Variants in PAXIP1 observed in about 807,000 individuals in gnomAD.
PAXIP1 encodes the protein PAX-interacting protein 1.
In PAXIP1, 19 loss-of-function variants were observed where a neutral mutation model predicts 140.6. The ratio of observed to expected loss-of-function variants is 0.14; its 90% CI spans 0.09 to 0.20. The LOEUF is 0.20. Ranked by LOEUF, PAXIP1 falls within the 10% of genes least tolerant of loss-of-function variation. The probability of loss-of-function intolerance (pLI) is 1.00; values close to 1 mark genes in which losing one functional copy is unlikely to be tolerated. For synonymous variants in PAXIP1, 442 were observed against 444.6 expected, an observed-to-expected ratio of 0.99 and a Z score of 0.07; for missense variants, 920 against 1,208.6, an observed-to-expected ratio of 0.76 and a Z score of 3.54.
rs1811009780 is a variant in PAXIP1, at chr7:155,003,063, A to G, written c.-134T>C. On this transcript the variant is annotated 5_prime_UTR_variant, in exon 1 of 21. Coordinates refer to ENST00000404141, the MANE Select transcript of PAXIP1 (RefSeq NM_007349.4). ...CGCGCAGCCCGGGCCCGGTCCTGCG[A>G]ATCGGGGTCCGCTCCCCCGCCCTCC... 4.6e-6 allele frequency: 1 copy of G among 218,600 alleles called. No homozygotes were observed. Among genetic ancestry groups the G allele is most frequent in the African/African-American group, 2.5e-5 (1 of 40,320 alleles). 13.5% of individuals were successfully genotyped at this position (218,600 alleles called of 1,614,324 possible). A position where few individuals can be genotyped will look rare whatever the true frequency, so the allele number is the denominator to read the frequency against.
intron 6 of PAXIP1, among the ~76,000 whole-genome samples, chr7:154,975,391 G>A (rs1585063955): frequency 6.6e-6 from 1 of 152,148 alleles, no homozygotes; most frequent in Non-Finnish European, 1.5e-5. Context: ...TTTAAACTAA[G>A]TAAGAGTGGA....
At position 154,968,700 on chromosome 7, in the gene PAXIP1, ACTGCTGCTGCAGGGCATG is replaced by A; in HGVS notation, c.1483_1500del (p.His495_Gln500del). 1 of 713,700 alleles carries A rather than the reference ACTGCTGCTGCAGGGCATG, an allele frequency of 1.4e-6. No homozygotes were observed. Among genetic ancestry groups the A allele is most frequent in the Non-Finnish European group, 2.6e-6 (1 of 383,980 alleles). The allele number at this position is 713,700 out of a possible 1,614,324, so 44.2% of individuals were successfully genotyped here. A position where few individuals can be genotyped will look rare whatever the true frequency, so the allele number is the denominator to read the frequency against. On this transcript the variant is annotated inframe_deletion, in exon 7 of 21. Transcript: ENST00000404141. ...AGCTGGTGCTGCTGCAGCTGATGGAACTGCTGCTGCAGGGCATGCTGCTGCTGAAAGGGCTGGAGCTGC... is the reference window on the plus strand; with the variant it reads ...AGCTGGTGCTGCTGCAGCTGATGGAACTGCTGCTGAAAGGGCTGGAGCTGC...
chr7:154,966,661 C>A (rs4960652), intron 8 of PAXIP1, among the ~76,000 whole-genome samples: 6 of 152,054 alleles, frequency 3.9e-5, no homozygotes, highest in African/African-American at 1.4e-4. Flanking sequence ...CTGTCCTTCT[C>A]AGAACTGCTC....
chr7:154,969,050 G>C lies in PAXIP1; in HGVS notation c.1151C>G (p.Ala384Gly). ...VNHSQQGHTN[A>G]NAVLFSQVKV... ...CACTTGGCTAAACAGCACTGCATTG[G>C]CATTTGTATGTCCCTGCTGGCTGTG... Residue 384 changes from alanine to glycine, a missense_variant, in exon 7 of 21, where the codon GCC (alanine) becomes GGC (glycine). Coordinates refer to ENST00000404141, the MANE Select transcript of PAXIP1 (RefSeq NM_007349.4). The C allele has an allele frequency of 1.3e-6, 2 of 1,537,226 alleles. No homozygotes were observed. The highest frequency in any genetic ancestry group is 1.8e-6 in the Non-Finnish European group (2 of 1,137,448).
intron 16 of PAXIP1, chr7:154,950,366 G>A (rs538395756): frequency 6.6e-6 from 1 of 151,638 alleles, no homozygotes; most frequent in South Asian, 2.1e-4. Flanking sequence ...AAGGGACCTT[G>A]AGTTTGGCAA....
chr7:154,976,794 G>A (rs908685763), intron 5 of PAXIP1, among the ~76,000 whole-genome samples: 2 of 152,174 alleles, frequency 1.3e-5, no homozygotes, highest in Non-Finnish European at 2.9e-5. Flanking sequence ...TGGCTGACTT[G>A]CATAGGACAG....
chr7:154,981,364 A>C (rs1809835852), intron 5 of PAXIP1, among the ~76,000 whole-genome samples: 1 of 152,234 alleles, frequency 6.6e-6, no homozygotes, highest in Non-Finnish European at 1.5e-5. Flanking sequence ...GAAGAAACAC[A>C]GTAAGCATTA....
chr7:154,983,306 C>T lies in PAXIP1; in HGVS notation c.351G>A (p.Leu117=). The change falls in exon 5 of 21, where the codon CTG becomes CTA. Residue 117 remains leucine (L), a synonymous_variant. Coordinates refer to ENST00000404141, the MANE Select transcript of PAXIP1 (RefSeq NM_007349.4). The part of the protein sequence containing the change: ...SQVSSEDRSA[L]WALVTFYGGD... ...CCCCATAGAACGTAACCAAAGCCCA[C>T]AGGGCACTTCTGTCTTCAGATGACA... The T allele has an allele frequency of 6.2e-7, 1 of 1,608,142 alleles. No homozygotes were observed. Among genetic ancestry groups the T allele is most frequent in the Non-Finnish European group, 8.5e-7 (1 of 1,175,360 alleles).
chr7:154,997,515 G>GA (rs148511634), intron 2 of PAXIP1, among the ~76,000 whole-genome samples: 1,866 of 152,130 alleles, frequency 0.012, 42 homozygotes, highest in African/African-American at 0.042. Context: ...CATGAAGAGG[G>GA]AAAAAATGGT....
chr7:154,948,248 A>C, intron 16 of PAXIP1: 1 of 437,398 alleles, frequency 2.3e-6, no homozygotes, highest in Non-Finnish European at 4.2e-6. Context: ...GGGGTCATAA[A>C]CTCTTGAAAA....
At chr7:154,957,827 C>T (rs932199346) in intron 13 of PAXIP1, among the ~76,000 whole-genome samples, 32 of 151,238 alleles carry the variant, frequency 2.1e-4, no homozygotes, top group Non-Finnish European at 2.2e-4. Flanking sequence ...ATTAGCCGGG[C>T]GCGGTGGCAG....
chr7:154,978,835 G>A (rs1417719468), intron 5 of PAXIP1, among the ~76,000 whole-genome samples: 3 of 152,164 alleles, frequency 2.0e-5, no homozygotes, highest in African/African-American at 7.2e-5. Flanking sequence ...ATGAAGAGGA[G>A]TCACTGAAAA....
At chr7:154,955,773 C>T (rs2150745303) in intron 14 of PAXIP1, 142 bp from the exon 15 acceptor site, 1 of 528,518 alleles carries the variant, frequency 1.9e-6, no homozygotes, top group Non-Finnish European at 3.4e-6. Flanking sequence ...ATACAATGAG[C>T]TATCTGTCCT....
In PAXIP1 at chr7:154,947,893, T is replaced by C; in HGVS notation, c.2922+10A>G. The C allele has an allele frequency of 6.3e-7, 1 of 1,581,562 alleles. No individual in the cohort carries two copies. Among genetic ancestry groups the C allele is most frequent in the Non-Finnish European group, 8.7e-7 (1 of 1,150,278 alleles). ...TACTTGGACTGATTTACTTTTCCCT[T>C]AAAGTGTACCTTAAAGAGTGGAGAA... is the stretch of plus-strand genomic sequence containing the variant. On this transcript the variant is annotated intron_variant, in intron 17 of 20. Coordinates refer to ENST00000404141, the MANE Select transcript of PAXIP1 (RefSeq NM_007349.4).
chr7:154,997,123 A>G (rs1301991313), intron 2 of PAXIP1, among the ~76,000 whole-genome samples: 1 of 152,254 alleles, frequency 6.6e-6, no homozygotes, highest in East Asian at 1.9e-4. Context: ...GCCCCAGCTC[A>G]GGACCTCATC....
chr7:154,998,091 C>T (rs1810722348), intron 2 of PAXIP1, among the ~76,000 whole-genome samples: 1 of 152,102 alleles, frequency 6.6e-6, no homozygotes, highest in Admixed American at 6.5e-5. Flanking sequence ...AAAGGATGGC[C>T]TAGGATTACT....
intron 4 of PAXIP1, among the ~76,000 whole-genome samples, chr7:154,985,294 T>C (rs1290432682): frequency 6.6e-6 from 1 of 152,188 alleles, no homozygotes; most frequent in Non-Finnish European, 1.5e-5. Flanking sequence ...AAACCATCTT[T>C]CCAAAATACC....
intron 10 of PAXIP1, 86 bp downstream of exon 10, chr7:154,962,235 A>G: frequency 6.9e-7 from 1 of 1,445,818 alleles, no homozygotes; most frequent in Non-Finnish European, 9.6e-7. Context: ...AAGCCAACGC[A>G]GGAGCCTCAG....
At chr7:154,945,967 A>C in intron 20 of PAXIP1, 1 of 985,206 alleles carries the variant, frequency 1.0e-6, no homozygotes, top group South Asian at 4.7e-5. Flanking sequence ...CTCCCATCCC[A>C]AAGTTCCTGA....
Sources: allele counts gnomAD v4.1 joint callset (sites outside exome capture counted in the v4.1 genomes callset), GRCh38; gene constraint gnomAD v4.1.1; transcripts MANE v1.5; gene names NCBI Gene and HGNC (gene_info 2026-07-23, HGNC 2026-07-21).